The following SOX6 variants were observed in gnomAD, a reference collection of about 807,000 sequenced individuals.
The protein encoded by SOX6 is SRY-box transcription factor 6, also known as transcription factor SOX-6.
Under a neutral mutation model 97.8 loss-of-function variants are expected in SOX6, and 11 were observed. The observed-to-expected ratio is 0.11, with a 90% confidence interval of 0.07 to 0.19. The LOEUF (loss-of-function observed/expected upper bound fraction) is 0.19, where lower values mean the gene tolerates loss of function less well. Ranked by LOEUF, SOX6 falls within the 10% of genes least tolerant of loss-of-function variation. The pLI is 1.00. For missense variants in SOX6, 810 were observed against 1,039.5 expected, an observed-to-expected ratio of 0.78 and a Z score of 3.04; for synonymous variants, 360 against 371.4, an observed-to-expected ratio of 0.97 and a Z score of 0.35.
rs1044190588 is a variant in SOX6, at chr11:15,967,721, C to T, written c.*5088G>A. On this transcript the variant is annotated 3_prime_UTR_variant, in exon 16 of 16. Transcript: ENST00000683767. ...CATACAAAACAGTTAAATATTTGCACATTCCCCATACTCCAAGAGCACCAG... is the reference window on the plus strand; with the variant it reads ...CATACAAAACAGTTAAATATTTGCATATTCCCCATACTCCAAGAGCACCAG... The T allele has an allele frequency of 6.6e-6, 1 of 152,182 alleles. No homozygotes were observed. The highest frequency in any genetic ancestry group is 2.4e-5 in the African/African-American group (1 of 41,444). 9.4% of individuals were successfully genotyped at this position (152,182 alleles called of 1,614,324 possible).
At chr11:16,320,753 G>A (rs1855895382) in intron 2 of SOX6, among the ~76,000 whole-genome samples, 1 of 151,850 alleles carries the variant, frequency 6.6e-6, no homozygotes, top group Admixed American at 6.6e-5. Flanking sequence ...ACATTAAGTG[G>A]GTAAATTATA....
chr11:16,319,402 T>C (rs1855845483), intron 2 of SOX6, among the ~76,000 whole-genome samples: 1 of 152,176 alleles, frequency 6.6e-6, no homozygotes, highest in Non-Finnish European at 1.5e-5. Flanking sequence ...CTAGGGTACA[T>C]GTGCACAACG....
chr11:16,688,299 T>C (rs1847984483), intron 3 of SOX6, among the ~76,000 whole-genome samples: 1 of 152,184 alleles, frequency 6.6e-6, no homozygotes, highest in African/African-American at 2.4e-5. Flanking sequence ...ATGAGTTTCT[T>C]ATGATTGGAG....
At chr11:16,085,254 A>T (rs1441450984) in intron 9 of SOX6, among the ~76,000 whole-genome samples, 1 of 152,144 alleles carries the variant, frequency 6.6e-6, no homozygotes, top group Non-Finnish European at 1.5e-5. Context: ...GGGCAATCCC[A>T]GTATGGTGAG....
chr11:16,461,394 T>C (rs1435655001), intron 1 of SOX6, among the ~76,000 whole-genome samples: 1 of 152,180 alleles, frequency 6.6e-6, no homozygotes, highest in Non-Finnish European at 1.5e-5. Context: ...GGCATGCTCC[T>C]GGACTATTTG....
At chr11:16,201,208 G>A (rs1851927754) in intron 4 of SOX6, among the ~76,000 whole-genome samples, 1 of 152,028 alleles carries the variant, frequency 6.6e-6, no homozygotes, top group South Asian at 2.1e-4. Flanking sequence ...ATGAAAGGAG[G>A]TGCTGTTAAT....
chr11:16,273,021 C>T (rs1056303991), intron 3 of SOX6, among the ~76,000 whole-genome samples: 1 of 151,874 alleles, frequency 6.6e-6, no homozygotes, highest in African/African-American at 2.4e-5. Flanking sequence ...TTGAATTATA[C>T]TTTTCCAACA....
chr11:16,660,650 A>AG (rs900627022), intron 3 of SOX6, among the ~76,000 whole-genome samples: 69 of 152,344 alleles, frequency 4.5e-4, no homozygotes, highest in African/African-American at 1.3e-3. Context: ...CTAACCCACA[A>AG]GGTGATGGTA....
chr11:16,059,427 C>A (rs1352354275), intron 9 of SOX6, among the ~76,000 whole-genome samples: 3 of 151,834 alleles, frequency 2.0e-5, no homozygotes, highest in Non-Finnish European at 4.4e-5. Flanking sequence ...ATAGCTCAAA[C>A]TTTGCCATAT....
At chr11:16,051,477 C>A (rs1242395483) in intron 10 of SOX6, among the ~76,000 whole-genome samples, 6 of 152,090 alleles carry the variant, frequency 3.9e-5, no homozygotes, top group Middle Eastern at 6.8e-3. Flanking sequence ...AGGGAAAAGG[C>A]AATTTGTCAC....
intron 3 of SOX6, among the ~76,000 whole-genome samples, chr11:16,648,141 G>C (rs1389014944): frequency 6.6e-6 from 1 of 152,128 alleles, no homozygotes; most frequent in African/African-American, 2.4e-5. Context: ...TCTTAGCAGG[G>C]TAGCTCATGG....
chr11:16,539,350 G>A (rs1056147220), intron 4 of SOX6, among the ~76,000 whole-genome samples: 7 of 152,102 alleles, frequency 4.6e-5, no homozygotes, highest in Non-Finnish European at 1.0e-4. Context: ...AGCACTAAAT[G>A]CCCACAAGAG....
chr11:16,289,239 T>C (rs1469363612), intron 3 of SOX6, among the ~76,000 whole-genome samples: 2 of 151,906 alleles, frequency 1.3e-5, no homozygotes, highest in East Asian at 3.9e-4. Flanking sequence ...GATGACCTAT[T>C]AGGGAATAAA....
intron 3 of SOX6, among the ~76,000 whole-genome samples, chr11:16,672,188 A>G (rs140961448): frequency 6.6e-6 from 1 of 152,342 alleles, no homozygotes; most frequent in East Asian, 1.9e-4. Context: ...CACCTAATAC[A>G]AAAACACACT....
In SOX6 at chr11:16,132,231, AAAAGAAAG is replaced by A. The variant is rs202182988; in HGVS notation, c.778-20316_778-20309del. 4.2e-5 allele frequency among the ~76,000 whole-genome samples: 6 copies of A among 142,292 alleles called. No individual in the cohort carries two copies. In the East Asian group the frequency reaches 8.8e-4, roughly 21 times the overall value. The allele number at this position is 142,292 out of a possible 152,430, so 93.3% of individuals were successfully genotyped here. Reference sequence around the variant, plus strand: ...AAATTTTACAGCTGCTTCTCAAAAAAAAAGAAAGAAAGAAAGGAAGGAAGAAAGAAAGA... The same window carrying A: ...AAATTTTACAGCTGCTTCTCAAAAAAAAAGAAAGGAAGGAAGAAAGAAAGA... On this transcript the variant is annotated intron_variant, in intron 6 of 15. Transcript: ENST00000683767.
intron 7 of SOX6, among the ~76,000 whole-genome samples, chr11:16,107,137 C>T (rs1231990093): frequency 2.6e-5 from 4 of 151,770 alleles, no homozygotes; most frequent in East Asian, 1.9e-4. Flanking sequence ...TTACATTTCT[C>T]GTGGGAATAT....
At chr11:16,128,865 A>G (rs189980211) in intron 6 of SOX6, among the ~76,000 whole-genome samples, 76 of 151,658 alleles carry the variant, frequency 5.0e-4, no homozygotes, top group African/African-American at 1.8e-3. Context: ...TTTTTTATTT[A>G]TTTATTTATT....
At chr11:16,640,667 A>G (rs1245327527) in intron 3 of SOX6, among the ~76,000 whole-genome samples, 1 of 151,974 alleles carries the variant, frequency 6.6e-6, no homozygotes, top group Non-Finnish European at 1.5e-5. Flanking sequence ...GAATTTATCC[A>G]TTTCTTCTAG....
At chr11:16,001,024 T>C (rs2119897394) in intron 13 of SOX6, among the ~76,000 whole-genome samples, 1 of 121,846 alleles carries the variant, frequency 8.2e-6, no homozygotes, top group South Asian at 2.3e-4. Context: ...ACCCAGCTAA[T>C]TTTTTTTTAT....
Sources: gnomAD v4.1 joint callset for allele counts (sites outside exome capture counted in the v4.1 genomes callset) on GRCh38, gnomAD v4.1.1 for gene constraint, MANE v1.5 for transcripts, NCBI Gene and HGNC (gene_info 2026-07-23, HGNC 2026-07-21) for gene names.